FMN2: variants seen among roughly 807,000 people sequenced by gnomAD.
FMN2 encodes the protein formin 2.
In FMN2, 51 loss-of-function variants were observed where a neutral mutation model predicts 142.3. The observed-to-expected ratio is 0.36, with a 90% CI of 0.29 to 0.45. The LOEUF (loss-of-function observed/expected upper bound fraction) is 0.45. Ranked by LOEUF, FMN2 falls within the 20% of genes least tolerant of loss-of-function variation. The probability of loss-of-function intolerance (pLI) is 1.00; values close to 1 mark genes in which losing one functional copy is unlikely to be tolerated. For missense variants in FMN2, 1,936 were observed against 2,122.8 expected, an observed-to-expected ratio of 0.91 and a Z score of 1.73; for synonymous variants, 882 against 869.8, an observed-to-expected ratio of 1.01 and a Z score of -0.25.
At chr1:240,434,355 A>G (rs943359101) in intron 15 of FMN2, among the ~76,000 whole-genome samples, 1 of 152,084 alleles carries the variant, frequency 6.6e-6, no homozygotes, top group Admixed American at 6.6e-5. Flanking sequence ...TAATTCAGAA[A>G]AGATGGAATT....
At chr1:240,104,317 GT>G in intron 1 of FMN2, among the ~76,000 whole-genome samples, 1 of 151,744 alleles carries the variant, frequency 6.6e-6, no homozygotes, top group East Asian at 1.9e-4. Flanking sequence ...CTCGTCCTAA[GT>G]GCTTCAGTCA....
intron 7 of FMN2, among the ~76,000 whole-genome samples, chr1:240,258,320 A>G (rs1479867535): frequency 6.6e-6 from 1 of 152,208 alleles, no homozygotes; most frequent in Non-Finnish European, 1.5e-5. Context: ...GGTGATAAAT[A>G]AGAGAAATTT....
chr1:240,174,334 G>A (rs1241756740), intron 2 of FMN2, among the ~76,000 whole-genome samples: 1 of 152,052 alleles, frequency 6.6e-6, no homozygotes, highest in Non-Finnish European at 1.5e-5. Context: ...AGTGGAGAGG[G>A]CATTACATTT....
chr1:240,382,718 C>T (rs1201362023), intron 14 of FMN2, among the ~76,000 whole-genome samples: 1 of 151,842 alleles, frequency 6.6e-6, no homozygotes. Context: ...TGCAGAAGTG[C>T]AATTCCTATC....
intron 6 of FMN2, among the ~76,000 whole-genome samples, chr1:240,239,193 TG>T (rs1338436612): frequency 6.6e-6 from 1 of 152,178 alleles, no homozygotes; most frequent in African/African-American, 2.4e-5. Context: ...AACGCTAATT[TG>T]AGACTCTGGG....
chr1:240,155,050 C>A (rs1663964819), intron 2 of FMN2, among the ~76,000 whole-genome samples: 1 of 151,768 alleles, frequency 6.6e-6, no homozygotes, highest in African/African-American at 2.4e-5. Context: ...ACCACCACAC[C>A]CTGCTAATTT....
chr1:240,295,026 A>T lies in FMN2; in HGVS notation c.4215+143A>T, dbSNP rs1045830299. ...GAATTTGCCTAAGTAGGTGTTTGTT[A>T]CAATACTTTCTAGGAACATATCAAA... On this transcript the variant is annotated intron_variant, in intron 8 of 17. Coordinates refer to ENST00000319653, the MANE Select transcript of FMN2 (RefSeq NM_020066.5). 3 of 613,098 alleles carry T rather than the reference A, an allele frequency of 4.9e-6. No homozygotes were observed. In the African/African-American group the frequency reaches 5.6e-5, roughly 11 times the overall value. 38.0% of individuals were successfully genotyped at this position (613,098 alleles called of 1,614,324 possible).
intron 1 of FMN2, among the ~76,000 whole-genome samples, chr1:240,117,562 G>A (rs754805212): frequency 2.0e-5 from 3 of 152,184 alleles, no homozygotes; most frequent in Non-Finnish European, 2.9e-5. Context: ...AATTTAAGCC[G>A]CTGCGGAAGG....
chr1:240,162,560 TTTATC>T (rs1263598562), intron 2 of FMN2, among the ~76,000 whole-genome samples: 1 of 152,122 alleles, frequency 6.6e-6, no homozygotes, highest in Non-Finnish European at 1.5e-5. Context: ...AAAATTATGT[TTTATC>T]TAATATTTTT....
At chr1:240,421,867 G>A (rs1674775031) in intron 15 of FMN2, among the ~76,000 whole-genome samples, 1 of 151,882 alleles carries the variant, frequency 6.6e-6, no homozygotes, top group Non-Finnish European at 1.5e-5. Flanking sequence ...TGAGGCCTGT[G>A]GTGGGGGTGG....
chr1:240,131,370 A>G (rs781389571), intron 2 of FMN2, among the ~76,000 whole-genome samples: 1 of 152,112 alleles, frequency 6.6e-6, no homozygotes, highest in Non-Finnish European at 1.5e-5. Flanking sequence ...CTGGGGCAAG[A>G]CCTGAGGCAT....
chr1:240,372,511 A>G (rs549080472), intron 14 of FMN2, among the ~76,000 whole-genome samples: 44 of 151,312 alleles, frequency 2.9e-4, no homozygotes, highest in Non-Finnish European at 6.0e-4. Flanking sequence ...TTATAGATGG[A>G]ATATATTATA....
chr1:240,396,556 C>T (rs983307701), intron 15 of FMN2, among the ~76,000 whole-genome samples: 9 of 151,850 alleles, frequency 5.9e-5, no homozygotes, highest in African/African-American at 1.7e-4. Flanking sequence ...ATGGTTCTGT[C>T]ATCCAGGTAT....
At chr1:240,433,370 A>T (rs1675244673) in intron 15 of FMN2, among the ~76,000 whole-genome samples, 2 of 152,186 alleles carry the variant, frequency 1.3e-5, no homozygotes, top group Non-Finnish European at 2.9e-5. Flanking sequence ...GGAGAAATAG[A>T]TGCGCGAGGA....
At chr1:240,210,080 A>G (rs1666630188) in intron 5 of FMN2, among the ~76,000 whole-genome samples, 1 of 152,184 alleles carries the variant, frequency 6.6e-6, no homozygotes. Flanking sequence ...CATTGGCAAC[A>G]CAGCACAAAG....
chr1:240,098,993 G>A (rs2103171491), intron 1 of FMN2, among the ~76,000 whole-genome samples: 1 of 152,232 alleles, frequency 6.6e-6, no homozygotes, highest in Admixed American at 6.5e-5. Context: ...AGGTATATTT[G>A]CAATCCTAGT....
At chr1:240,298,889 T>C (rs1023573374) in intron 8 of FMN2, among the ~76,000 whole-genome samples, 3 of 152,184 alleles carry the variant, frequency 2.0e-5, no homozygotes, top group African/African-American at 7.2e-5. Context: ...CACTTTTTGC[T>C]TTATGTTATC....
rs200247554 is a variant in FMN2, at chr1:240,473,905, C to CT, written c.5143-213dup. Among the ~76,000 whole-genome samples, 6 of 150,026 alleles carry CT rather than the reference C, an allele frequency of 4.0e-5. No individual in the cohort carries two copies. The highest frequency in any genetic ancestry group is 1.5e-4 in the African/African-American group (6 of 40,938). On this transcript the variant is annotated intron_variant, in intron 17 of 17. Coordinates refer to ENST00000319653, the MANE Select transcript of FMN2 (RefSeq NM_020066.5). The surrounding 1 kb of genome is among the most constrained non-coding windows in gnomAD (Gnocchi z 4.3). ...TTGGTTAGAAGTTAAATTTTTAAAA[C>CT]TTTTTTTTTTCTCAAAAGTATTTGG... is the stretch of plus-strand genomic sequence containing the variant.
intron 14 of FMN2, among the ~76,000 whole-genome samples, chr1:240,382,527 G>C (rs536975574): frequency 2.8e-4 from 43 of 152,174 alleles, no homozygotes; most frequent in Admixed American, 1.9e-3. Context: ...CAGGTGTGGT[G>C]GTGGCTGCCT....
Sources: allele counts gnomAD v4.1 joint callset (sites outside exome capture counted in the v4.1 genomes callset), GRCh38; gene constraint gnomAD v4.1.1; non-coding constraint Gnocchi (gnomAD v3.1); transcripts MANE v1.5; gene names NCBI Gene and HGNC (gene_info 2026-07-23, HGNC 2026-07-21).